The following TUFT1 variants were observed in gnomAD, a reference collection of about 807,000 sequenced individuals.
The protein encoded by TUFT1 is tuftelin 1.
A neutral mutation model predicts 57.8 loss-of-function variants in TUFT1; 43 were observed. The ratio of observed to expected loss-of-function variants is 0.74; its 90% CI spans 0.58 to 0.96. The LOEUF (loss-of-function observed/expected upper bound fraction) is 0.96, where lower values mean the gene tolerates loss of function less well. TUFT1 is among the 40% of genes least tolerant of loss of function. The probability of loss-of-function intolerance (pLI) is 0.00; values close to 1 mark genes in which losing one functional copy is unlikely to be tolerated. For synonymous variants in TUFT1, 166 were observed against 176.7 expected, an observed-to-expected ratio of 0.94 and a Z score of 0.48; for missense variants, 459 against 489.0, an observed-to-expected ratio of 0.94 and a Z score of 0.58.
chr1:151,566,411 C>T (rs188618393), intron 6 of TUFT1, among the ~76,000 whole-genome samples, 183 bp downstream of exon 6: 81 of 152,334 alleles, frequency 5.3e-4, no homozygotes, highest in African/African-American at 1.8e-3. Context: ...CCCAATCTCT[C>T]TCCTTGCGAG....
At chr1:151,560,501 T>C (rs554215610) in intron 1 of TUFT1, among the ~76,000 whole-genome samples, 5 of 152,332 alleles carry the variant, frequency 3.3e-5, no homozygotes, top group African/African-American at 9.6e-5. Flanking sequence ...CACCAAAGAC[T>C]GATTTCTTCT....
At chr1:151,546,879 G>T (rs1383399371) in intron 1 of TUFT1, among the ~76,000 whole-genome samples, 4 of 152,118 alleles carry the variant, frequency 2.6e-5, no homozygotes, top group Admixed American at 2.6e-4. Flanking sequence ...CATTTCTCTT[G>T]GAGAGGAATA....
chr1:151,566,080 A>G, intron 5 of TUFT1, 83 bp from the exon 6 acceptor site: 1 of 766,818 alleles, frequency 1.3e-6, no homozygotes, highest in South Asian at 1.6e-5. Flanking sequence ...TCTCTTTCTA[A>G]GATTTGAGTG....
intron 11 of TUFT1, among the ~76,000 whole-genome samples, 173 bp from the exon 12 acceptor site, chr1:151,580,769 G>A (rs1666623327): frequency 6.6e-6 from 1 of 151,754 alleles, no homozygotes; most frequent in African/African-American, 2.4e-5. Context: ...GAGGATAAGC[G>A]CAATCTATGG....
chr1:151,561,372 T>C (rs776183097), intron 1 of TUFT1, among the ~76,000 whole-genome samples: 3 of 151,576 alleles, frequency 2.0e-5, no homozygotes, highest in Admixed American at 6.6e-5. Context: ...AAAAATTAGA[T>C]GGGCATATTG....
rs760368583 is a variant in TUFT1 at position 151,540,331 on chromosome 1, G to A, written c.-36G>A. On this transcript the variant is annotated 5_prime_UTR_variant, in exon 1 of 13. Transcript: ENST00000368849. ...CCCAGTTGGAGCCAGACAGCGGGGT[G>A]GACAAGTGGCGTGTGTGCTGCGACC... The A allele has an allele frequency of 3.1e-6, 5 of 1,613,584 alleles. No homozygotes were observed. Among genetic ancestry groups the A allele is most frequent in the Admixed American group, 3.3e-5 (2 of 59,990 alleles).
In TUFT1 at chr1:151,569,124, A is replaced by G. The variant is rs111818043; in HGVS notation, c.481-533A>G. Among the ~76,000 whole-genome samples the G allele has an allele frequency of 3.3e-5, 5 of 152,302 alleles. No individual in the cohort carries two copies. In the East Asian group the frequency reaches 5.8e-4, roughly 18 times the overall value. On this transcript the variant is annotated intron_variant, in intron 6 of 12. Coordinates refer to ENST00000368849, the MANE Select transcript of TUFT1 (RefSeq NM_020127.3). Reference sequence around the variant, plus strand: ...CACATCGAATCAGATTCGTGGACTCATTGCATGCTTTTGCCCTAAACCTGT... The same window carrying G: ...CACATCGAATCAGATTCGTGGACTCGTTGCATGCTTTTGCCCTAAACCTGT...
rs1558014072 is a variant in TUFT1, at chr1:151,574,293, G to A, written c.618G>A (p.Arg206=). The change falls in exon 8 of 13, where the codon AGG becomes AGA. Residue 206 remains arginine, a synonymous_variant. Transcript: ENST00000368849. ...AGGTCACACTCAGCCGGTACCAGAG[G>A]GAAGCAGAACAAAGTAATGTGGCCC... ...AFEVTLSRYQ[R]EAEQSNVALQ... 6.2e-7 allele frequency: 1 copy of A among 1,614,090 alleles called. No homozygotes were observed. Among genetic ancestry groups the A allele is most frequent in the East Asian group, 2.2e-5 (1 of 44,864 alleles).
intron 1 of TUFT1, among the ~76,000 whole-genome samples, chr1:151,558,560 A>T (rs1173854998): frequency 1.3e-5 from 2 of 151,784 alleles, no homozygotes; most frequent in Non-Finnish European, 2.9e-5. Context: ...TTTTCAACTG[A>T]CCCTCTTTCT....
intron 1 of TUFT1, chr1:151,561,714 T>C (rs2102536134): frequency 7.7e-7 from 1 of 1,300,466 alleles, no homozygotes; most frequent in Non-Finnish European, 1.0e-6. Context: ...TGGCTGGTTG[T>C]CAGGAGCAGA....
rs550731778 is a variant in TUFT1, at chr1:151,570,133, G to A, written c.594+363G>A. ...GGACTGCTGCTGACATGTCACCCCC[G>A]AGTCTCCAGTGTCTGGTGCAATACC... On this transcript the variant is annotated intron_variant, in intron 7 of 12. Coordinates refer to ENST00000368849, the MANE Select transcript of TUFT1 (RefSeq NM_020127.3). Among the ~76,000 whole-genome samples the A allele has an allele frequency of 4.6e-5, 7 of 152,248 alleles. No individual in the cohort carries two copies. In the South Asian group the frequency reaches 6.2e-4, roughly 14 times the overall value.
At chr1:151,578,152 T>C (rs1666537608) in intron 9 of TUFT1, among the ~76,000 whole-genome samples, 1 of 152,134 alleles carries the variant, frequency 6.6e-6, no homozygotes, top group African/African-American at 2.4e-5. Flanking sequence ...TAAGAAAGTC[T>C]TTCCTGTGTT....
intron 1 of TUFT1, chr1:151,540,633 TC>T: frequency 1.7e-6 from 1 of 600,796 alleles, no homozygotes; most frequent in Admixed American, 3.0e-5. Context: ...GCTGGAGGGT[TC>T]GGGGCGTCCC....
At chr1:151,543,691 C>T (rs1665238999) in intron 1 of TUFT1, among the ~76,000 whole-genome samples, 1 of 152,062 alleles carries the variant, frequency 6.6e-6, no homozygotes, top group Non-Finnish European at 1.5e-5. Flanking sequence ...GAATTGGTTC[C>T]AGCTGTTTTA....
rs1666650775 is a variant in TUFT1, at chr1:151,581,710, T to G, written c.*3T>G. The G allele has an allele frequency of 2.5e-6, 4 of 1,614,176 alleles. No individual in the cohort carries two copies. Among genetic ancestry groups the G allele is most frequent in the Non-Finnish European group, 3.4e-6 (4 of 1,180,026 alleles). On this transcript the variant is annotated 3_prime_UTR_variant, in exon 13 of 13. Transcript: ENST00000368849. ...TCATCCGAGTGGTGGAAACCTGAGCTGCCTGGAGATGGTTGCTGCCATTGC... is the reference window on the plus strand; with the variant it reads ...TCATCCGAGTGGTGGAAACCTGAGCGGCCTGGAGATGGTTGCTGCCATTGC...
intron 1 of TUFT1, chr1:151,540,770 C>A (rs1344338478): frequency 3.8e-6 from 1 of 262,896 alleles, no homozygotes; most frequent in Non-Finnish European, 7.5e-6. Flanking sequence ...GCTCAAGCGA[C>A]TGGGTCCCTG....
rs1463200406 is a variant in TUFT1, at chr1:151,562,152, A to G, written c.122A>G (p.His41Arg). 2 of 1,614,144 alleles carry G rather than the reference A, an allele frequency of 1.2e-6. No individual in the cohort carries two copies. The highest frequency in any genetic ancestry group is 2.2e-5 in the South Asian group (2 of 91,080). The change falls in exon 2 of 13, where the codon CAC becomes CGC. Residue 41 changes from histidine to arginine, a missense_variant. By Grantham distance (29) the His-to-Arg change is conservative (BLOSUM62 0). Transcript: ENST00000368849. Reference protein sequence around the residue: ...QGELTGDELEHIAQKAGRKTY... With the variant: ...QGELTGDELERIAQKAGRKTY... The stretch of plus-strand genomic sequence containing the variant: ...GAACTGACAGGAGATGAACTTGAAC[A>G]CATAGCCCAGAAGGTACTGCGGAAT...
Position 151,567,067 on chromosome 1 carries a change from G to A in TUFT1, c.480+839G>A, listed in dbSNP as rs192232797. On this transcript the variant is annotated intron_variant, in intron 6 of 12. Transcript: ENST00000368849. ...CCCAATAGCTGGGACTATAGGGCAC[G>A]CGCCATTATGCCTGGCTAATTTTTG... 5.0e-4 allele frequency among the ~76,000 whole-genome samples: 76 copies of A among 152,110 alleles called. No homozygotes were observed. The East Asian group carries it at 0.01, about 20-fold the overall frequency.
Position 151,579,708 on chromosome 1 carries a change from G to C in TUFT1, c.984G>C (p.Glu328Asp). ...ACGCCACCATCCAGGAGCTCAAGGA[G>C]AAAATCGCCTATCTGGAGGCAGAGG... ...SKDATIQELK[E>D]KIAYLEAENL... is the part of the protein sequence containing the mutation. Residue 328 changes from glutamate to aspartate, a missense_variant, in exon 11 of 13, where the codon GAG becomes GAC. Transcript: ENST00000368849. 6.2e-7 allele frequency: 1 copy of C among 1,613,986 alleles called. No individual in the cohort carries two copies. The highest frequency in any genetic ancestry group is 1.3e-5 in the African/African-American group (1 of 75,032).
Sources: allele counts gnomAD v4.1 joint callset (sites outside exome capture counted in the v4.1 genomes callset), GRCh38; gene constraint gnomAD v4.1.1; transcripts MANE v1.5; gene names NCBI Gene and HGNC (gene_info 2026-07-23, HGNC 2026-07-21).